Variants in MED12L observed in about 807,000 individuals in gnomAD.
MED12L encodes mediator complex subunit 12L, also known as mediator of RNA polymerase II transcription subunit 12-like protein.
MED12L carries 60 observed loss-of-function variants against 281.3 expected under a neutral mutation model. That is an observed-to-expected ratio of 0.21 (90% CI 0.17 to 0.26). The LOEUF (loss-of-function observed/expected upper bound fraction) is 0.26, where lower values mean the gene tolerates loss of function less well. Among genes scored for constraint, MED12L ranks in the 10% least tolerant of loss-of-function variants. The pLI is 1.00. For missense variants in MED12L, 2,146 were observed against 2,680.9 expected (o/e 0.80, Z 4.41); for synonymous variants, 974 against 987.2 (o/e 0.99, Z 0.25).
chr3:151,324,251 G>A (rs1257179192), intron 16 of MED12L, among the ~76,000 whole-genome samples: 2 of 152,114 alleles, frequency 1.3e-5, no homozygotes, highest in African/African-American at 4.8e-5. Flanking sequence ...AAAGAGCCTG[G>A]CACACAGCAG....
At chr3:151,242,238 G>A (rs1194850900) in intron 16 of MED12L, among the ~76,000 whole-genome samples, 2 of 152,380 alleles carry the variant, frequency 1.3e-5, no homozygotes, top group East Asian at 1.9e-4. Flanking sequence ...GGTAAACAAA[G>A]CAGCCGGGAA....
At chr3:151,421,557 C>T (rs1296389505) in intron 43 of MED12L, among the ~76,000 whole-genome samples, 4 of 152,014 alleles carry the variant, frequency 2.6e-5, no homozygotes, top group East Asian at 1.9e-4. Context: ...ATTACAGGCA[C>T]GCACCATCAC....
Position 151,376,854 on chromosome 3 carries a change from A to C in MED12L, c.4108A>C (p.Lys1370Gln). 1 of 1,614,076 alleles carries C rather than the reference A, an allele frequency of 6.2e-7. No individual in the cohort carries two copies. The change falls in exon 29 of 45, where the codon AAA (lysine) becomes CAA (glutamine). Residue 1370 changes from lysine (K) to glutamine (Q), a missense_variant. Physicochemically the swap from Lys to Gln is moderately conservative, Grantham distance 53. Transcript: ENST00000687756. ...CTGGTTAGAACTCCAGCTAATGATC[A>C]AACAGTGCTTGAAGGACCCTGTGAG... ...QSWLELQLMIKQCLKDPGSGS... is the reference protein window; with the variant it reads ...QSWLELQLMIQQCLKDPGSGS...
At chr3:151,336,879 A>G (rs1019506235) in intron 16 of MED12L, 2 of 175,892 alleles carry the variant, frequency 1.1e-5, no homozygotes, top group East Asian at 1.7e-4. Context: ...TGTATTTTAT[A>G]CACACCAATA....
chr3:151,162,874 G>C (rs1180314384), intron 8 of MED12L, among the ~76,000 whole-genome samples: 1 of 152,172 alleles, frequency 6.6e-6, no homozygotes. Context: ...TAGTAACGGT[G>C]ACCTTGAGCC....
At chr3:151,219,758 C>T (rs148689525) in intron 16 of MED12L, 1 of 152,122 alleles carries the variant, frequency 6.6e-6, no homozygotes, top group East Asian at 1.9e-4. Flanking sequence ...AATATTTCAA[C>T]ATGTGCATTT....
intron 16 of MED12L, among the ~76,000 whole-genome samples, chr3:151,319,341 T>A (rs888224858): frequency 3.9e-5 from 6 of 152,144 alleles, no homozygotes; most frequent in African/African-American, 1.4e-4. Flanking sequence ...TTCATAGCGA[T>A]AATTTCCTTT....
At position 151,378,068 on chromosome 3, in the gene MED12L, C is replaced by G. The variant is rs772844769; in HGVS notation, c.4373C>G (p.Thr1458Ser). ...GCCCCCCTCATCGCCAGGTTGCCAA[C>G]TTCTGTGCAAGGAAGAGTGCTGAAA... ...LVAPLIARLP[T>S]SVQGRVLKAA... The change falls in exon 31 of 45, where the codon ACT (threonine) becomes AGT (serine). Residue 1458 changes from threonine to serine, a missense_variant. Thr to Ser is a moderately conservative substitution (Grantham distance 58). Transcript: ENST00000687756. 1.4e-5 allele frequency: 22 copies of G among 1,610,334 alleles called. No individual in the cohort carries two copies. Among genetic ancestry groups the G allele is most frequent in the Non-Finnish European group, 1.9e-5 (22 of 1,177,890 alleles).
chr3:151,091,990 A>G (rs1720112373), intron 2 of MED12L, among the ~76,000 whole-genome samples: 1 of 152,234 alleles, frequency 6.6e-6, no homozygotes, highest in South Asian at 2.1e-4. Flanking sequence ...AGCCACTATT[A>G]GCTGATCCCT....
At chr3:151,152,000 T>C (rs983901447) in intron 5 of MED12L, among the ~76,000 whole-genome samples, 2 of 150,838 alleles carry the variant, frequency 1.3e-5, no homozygotes, top group Non-Finnish European at 2.9e-5. Flanking sequence ...TGGTGAGAAA[T>C]GGTAGATAGT....
Position 151,378,255 on chromosome 3 carries a change from C to T in MED12L, c.4478+82C>T, listed in dbSNP as rs978005600. ...CACTTCCTGTAAACCTGTGTGGTCA[C>T]TGTACCCACAGTCCACTGAAATTTA... On this transcript the variant is annotated intron_variant, in intron 31 of 44. Coordinates refer to ENST00000687756, the MANE Select transcript of MED12L (RefSeq NM_001393769.1). The T allele has an allele frequency of 1.1e-5, 15 of 1,315,128 alleles. No individual in the cohort carries two copies. The South Asian group carries it at 2.6e-4, about 23-fold the overall frequency. The allele number at this position is 1,315,128 out of a possible 1,614,324, so 81.5% of individuals were successfully genotyped here. A position where few individuals can be genotyped will look rare whatever the true frequency, so the allele number is the denominator to read the frequency against.
At chr3:151,351,254 A>G (rs185448285) in intron 17 of MED12L, among the ~76,000 whole-genome samples, 134 of 152,322 alleles carry the variant, frequency 8.8e-4, no homozygotes, top group African/African-American at 2.8e-3. Flanking sequence ...TTCCCGGTCA[A>G]TCATGGTGCA....
intron 5 of MED12L, among the ~76,000 whole-genome samples, chr3:151,130,574 A>T (rs1023465251): frequency 1.3e-5 from 2 of 152,180 alleles, no homozygotes. Flanking sequence ...GAATTCTTGC[A>T]TGGCCCCTTG....
chr3:151,192,814 T>C (rs939474689), intron 15 of MED12L, among the ~76,000 whole-genome samples, 160 bp downstream of exon 15: 7 of 152,222 alleles, frequency 4.6e-5, no homozygotes, highest in Admixed American at 4.6e-4. Context: ...CACAATTGGG[T>C]CATCCTCAGT....
At chr3:151,412,991 A>T in intron 41 of MED12L, 148 bp from the exon 42 acceptor site, 1 of 816,424 alleles carries the variant, frequency 1.2e-6, no homozygotes, top group Non-Finnish European at 1.8e-6. Context: ...CTATTATTTT[A>T]ACCACTGGGC....
chr3:151,217,681 G>T (rs1728511792), intron 16 of MED12L, among the ~76,000 whole-genome samples: 1 of 152,206 alleles, frequency 6.6e-6, no homozygotes, highest in Admixed American at 6.5e-5. Context: ...AGAGGCTCAT[G>T]CCAGGACAGA....
At chr3:151,159,257 T>C (rs967851362) in intron 7 of MED12L, among the ~76,000 whole-genome samples, 3 of 152,236 alleles carry the variant, frequency 2.0e-5, no homozygotes, top group Non-Finnish European at 4.4e-5. Context: ...CTAGATGAGA[T>C]TTATTTAAAA....
At chr3:151,395,047 A>G (rs575882033) in intron 39 of MED12L, among the ~76,000 whole-genome samples, 180 bp downstream of exon 39, 15 of 152,314 alleles carry the variant, frequency 9.8e-5, no homozygotes, top group Non-Finnish European at 1.8e-4. Flanking sequence ...CTTTACTGTT[A>G]TCATTGCTCA....
chr3:151,240,071 C>T (rs965608986), intron 16 of MED12L, among the ~76,000 whole-genome samples: 7 of 151,478 alleles, frequency 4.6e-5, no homozygotes, highest in South Asian at 2.1e-4. Context: ...GTATGGCCAC[C>T]ACCTGTGGGT....
Sources: allele counts gnomAD v4.1 joint callset (sites outside exome capture counted in the v4.1 genomes callset), GRCh38; gene constraint gnomAD v4.1.1; transcripts MANE v1.5; gene names NCBI Gene and HGNC (gene_info 2026-07-23, HGNC 2026-07-21).